GRIK4: variants seen among roughly 807,000 people sequenced by gnomAD.
The protein encoded by GRIK4 is glutamate ionotropic receptor kainate type subunit 4, also known as glutamate receptor ionotropic, kainate 4.
Under a neutral mutation model 104.9 loss-of-function variants are expected in GRIK4, and 40 were observed. The observed-to-expected ratio is 0.38, with a 90% CI of 0.30 to 0.50. The LOEUF is 0.50. Ranked by LOEUF, GRIK4 falls within the 20% of genes least tolerant of loss-of-function variation. The pLI, the probability that GRIK4 is intolerant of heterozygous loss-of-function variation, is 0.93. For synonymous variants in GRIK4, 485 were observed against 524.9 expected, an observed-to-expected ratio of 0.92 and a Z score of 1.04; for missense variants, 1,047 against 1,308.1, an observed-to-expected ratio of 0.80 and a Z score of 3.08.
At chr11:120,669,496 CCTCT>C (rs770867983) in intron 3 of GRIK4, among the ~76,000 whole-genome samples, 2 of 152,182 alleles carry the variant, frequency 1.3e-5, no homozygotes, top group Non-Finnish European at 2.9e-5. Flanking sequence ...TATTTCCTCT[CCTCT>C]CTCTCTTTCC....
chr11:120,685,439 C>A lies in GRIK4; in HGVS notation c.82+25039C>A, dbSNP rs77569153. ...GATACCTCCTGGGTCCGCCCGTACCCCTCACCTGCCAGAGATTCTGATTGG... is the reference window on the plus strand; with the variant it reads ...GATACCTCCTGGGTCCGCCCGTACCACTCACCTGCCAGAGATTCTGATTGG... On this transcript the variant is annotated intron_variant, in intron 3 of 20. Transcript: ENST00000527524. Among the ~76,000 whole-genome samples the A allele has an allele frequency of 7.5e-3, 1,136 of 152,298 alleles. 52 individuals carry two copies. The East Asian group carries it at 0.12, about 17-fold the overall frequency.
At chr11:120,725,037 T>C (rs1951004035) in intron 3 of GRIK4, among the ~76,000 whole-genome samples, 1 of 152,264 alleles carries the variant, frequency 6.6e-6, no homozygotes, top group African/African-American at 2.4e-5. Context: ...TTGCAAATTT[T>C]CTTTTTATTA....
At chr11:120,835,785 T>C (rs1953559735) in intron 7 of GRIK4, among the ~76,000 whole-genome samples, 1 of 152,152 alleles carries the variant, frequency 6.6e-6, no homozygotes, top group South Asian at 2.1e-4. Flanking sequence ...CGTGTCAGTT[T>C]CTATAGTACC....
At chr11:120,638,933 A>G (rs1949434342) in intron 1 of GRIK4, among the ~76,000 whole-genome samples, 1 of 151,922 alleles carries the variant, frequency 6.6e-6, no homozygotes, top group Admixed American at 6.6e-5. Flanking sequence ...ACGCCTGATC[A>G]TGCCTGTAAT....
chr11:120,857,451 C>T (rs1275320569), intron 8 of GRIK4, among the ~76,000 whole-genome samples: 2 of 152,024 alleles, frequency 1.3e-5, no homozygotes, highest in East Asian at 3.9e-4. Flanking sequence ...GCTATTTGGA[C>T]CCTTACATAC....
At chr11:120,900,150 T>A (rs1214362713) in intron 12 of GRIK4, among the ~76,000 whole-genome samples, 1 of 152,160 alleles carries the variant, frequency 6.6e-6, no homozygotes, top group East Asian at 1.9e-4. Context: ...GCATTGACGA[T>A]GGGCTCTGAA....
At chr11:120,785,980 G>C (rs1459406992) in intron 3 of GRIK4, among the ~76,000 whole-genome samples, 4 of 152,188 alleles carry the variant, frequency 2.6e-5, no homozygotes, top group Non-Finnish European at 2.9e-5. Context: ...GCTTACTCAA[G>C]AGTGGCAGCT....
At position 120,656,658 on chromosome 11, in the gene GRIK4, C is replaced by T. The variant is rs369192260; in HGVS notation, c.-51+2866C>T. ...GGTGGATCACCTGAGGTCAGGAGTT[C>T]GAGACCAGCCTGGTCATCATGGTGA... On this transcript the variant is annotated intron_variant, in intron 2 of 20. Transcript: ENST00000527524. 5.6e-4 allele frequency among the ~76,000 whole-genome samples: 85 copies of T among 152,188 alleles called. 1 individual carries two copies. The highest frequency in any genetic ancestry group is 2.3e-3 in the Admixed American group (35 of 15,290).
intron 6 of GRIK4, among the ~76,000 whole-genome samples, chr11:120,826,490 G>A (rs947128839): frequency 6.6e-6 from 1 of 152,234 alleles, no homozygotes; most frequent in Non-Finnish European, 1.5e-5. Context: ...GAAATCAGTT[G>A]TGTATGTGAA....
intron 9 of GRIK4, chr11:120,871,367 G>A (rs1041209593): frequency 9.0e-6 from 3 of 331,858 alleles, no homozygotes; most frequent in Non-Finnish European, 1.8e-5. Flanking sequence ...GGCTTGCAAA[G>A]GAGCATTCAT....
At chr11:120,741,216 GTTAAGAAA>G (rs1179379302) in intron 3 of GRIK4, among the ~76,000 whole-genome samples, 7 of 150,154 alleles carry the variant, frequency 4.7e-5, no homozygotes, top group Non-Finnish European at 7.4e-5. Context: ...AGAGAAAGAA[GTTAAGAAA>G]CTGGCCTCAG....
intron 3 of GRIK4, among the ~76,000 whole-genome samples, chr11:120,798,226 T>C (rs891844800): frequency 7.6e-6 from 1 of 130,788 alleles, no homozygotes; most frequent in South Asian, 2.7e-4. Context: ...TGGAGTGCAG[T>C]GGCACAATCT....
intron 1 of GRIK4, among the ~76,000 whole-genome samples, chr11:120,635,751 C>T (rs986365218): frequency 2.0e-5 from 3 of 152,152 alleles, no homozygotes; most frequent in Admixed American, 6.5e-5. Context: ...CCTGTGGTTG[C>T]CAGCTTATCT....
At position 120,940,170 on chromosome 11, in the gene GRIK4, A is replaced by G. The variant is rs1943688886; in HGVS notation, c.1477-177A>G. ...AACATGAGTTATAGCTTCAATATCCATGTACTTTTATGAGTGATCATTCAG... is the reference window on the plus strand; with the variant it reads ...AACATGAGTTATAGCTTCAATATCCGTGTACTTTTATGAGTGATCATTCAG... On this transcript the variant is annotated intron_variant, in intron 13 of 20. Transcript: ENST00000527524. This position sits in a 1 kb window ranked among gnomAD's most constrained non-coding sequence, Gnocchi z 4.3. Among the ~76,000 whole-genome samples the G allele has an allele frequency of 6.6e-6, 1 of 152,114 alleles. No individual in the cohort carries two copies. The highest frequency in any genetic ancestry group is 1.5e-5 in the Non-Finnish European group (1 of 68,012).
intron 1 of GRIK4, among the ~76,000 whole-genome samples, chr11:120,629,640 A>G (rs1949307975): frequency 6.6e-6 from 1 of 152,194 alleles, no homozygotes; most frequent in Non-Finnish European, 1.5e-5. Flanking sequence ...CGCCTCCACC[A>G]GGTGTGAATT....
chr11:120,668,104 TA>T (rs1475175864), intron 3 of GRIK4, among the ~76,000 whole-genome samples: 167 of 56,038 alleles, frequency 3.0e-3, no homozygotes, highest in African/African-American at 8.6e-3. Flanking sequence ...GATAGATGGA[TA>T]GATAGATAGA....
intron 3 of GRIK4, among the ~76,000 whole-genome samples, chr11:120,718,101 G>C (rs576041532): frequency 3.9e-5 from 6 of 152,240 alleles, no homozygotes; most frequent in African/African-American, 1.4e-4. Context: ...TGTTGCTTTG[G>C]GTGCTGAGAA....
chr11:120,750,974 C>T (rs1269917136), intron 3 of GRIK4, among the ~76,000 whole-genome samples: 1 of 152,206 alleles, frequency 6.6e-6, no homozygotes, highest in Admixed American at 6.5e-5. Context: ...CTGAGGAACA[C>T]ATGTGCAGTA....
intron 1 of GRIK4, chr11:120,564,491 G>A (rs1162580809): frequency 6.6e-6 from 1 of 152,228 alleles, no homozygotes; most frequent in African/African-American, 2.4e-5. Flanking sequence ...GGGCTGGGAA[G>A]GGTCTTAGGA....
Sources: gnomAD v4.1 joint callset for allele counts (sites outside exome capture counted in the v4.1 genomes callset) on GRCh38, gnomAD v4.1.1 for gene constraint, Gnocchi (gnomAD v3.1) non-coding constraint, MANE v1.5 for transcripts, NCBI Gene and HGNC (gene_info 2026-07-23, HGNC 2026-07-21) for gene names.